The following PCM1 variants were observed in gnomAD, a reference collection of about 807,000 sequenced individuals.
The protein encoded by PCM1 is pericentriolar material 1, also known as pericentriolar material 1 protein.
Under a neutral mutation model 241.9 loss-of-function variants are expected in PCM1, and 157 were observed. The observed-to-expected ratio is 0.65, with a 90% CI of 0.57 to 0.74. PCM1 has a LOEUF of 0.74. PCM1 is among the 30% of genes least tolerant of loss of function. The probability of loss-of-function intolerance (pLI) is 0.00; values close to 1 mark genes in which losing one functional copy is unlikely to be tolerated. For synonymous variants in PCM1, 1,085 were observed against 784.9 expected, an observed-to-expected ratio of 1.38 and a Z score of -6.39; for missense variants, 3,478 against 2,360.1, an observed-to-expected ratio of 1.47 and a Z score of -9.81.
At chr8:17,986,266 A>G (rs1431387367) in intron 26 of PCM1, 179 bp downstream of exon 26, 1 of 432,348 alleles carries the variant, frequency 2.3e-6, no homozygotes, top group East Asian at 3.7e-5. Flanking sequence ...CAATCAAAAT[A>G]TGGTAGCAAA....
At chr8:17,961,935 G>T in intron 15 of PCM1, 99 bp from the exon 16 acceptor site, 6 of 902,216 alleles carry the variant, frequency 6.7e-6, no homozygotes, top group Admixed American at 3.2e-5. Context: ...GATTAAATAT[G>T]GCACTAGAGC....
chr8:17,995,924 T>C (rs192859178), intron 29 of PCM1, among the ~76,000 whole-genome samples: 20 of 152,320 alleles, frequency 1.3e-4, no homozygotes, highest in African/African-American at 4.6e-4. Context: ...TCTAATAGTA[T>C]TCTTGTGGAG....
intron 1 of PCM1, among the ~76,000 whole-genome samples, chr8:17,924,379 T>TA (rs2056020246): frequency 1.3e-5 from 2 of 152,224 alleles, no homozygotes; most frequent in South Asian, 4.1e-4. Context: ...ATAGTTTGAG[T>TA]AACAGGAAGC....
intron 26 of PCM1, among the ~76,000 whole-genome samples, chr8:17,988,992 A>G (rs538202463): frequency 7.2e-5 from 11 of 152,146 alleles, no homozygotes; most frequent in African/African-American, 2.6e-4. Context: ...TCACAAAAAC[A>G]CTTGCACATT....
chr8:17,980,976 C>G (rs1467247565), intron 24 of PCM1, among the ~76,000 whole-genome samples: 1 of 152,132 alleles, frequency 6.6e-6, no homozygotes. Context: ...TAATAAAATT[C>G]TAAACAAAGG....
intron 19 of PCM1, 21 bp downstream of exon 19, chr8:17,966,239 A>C (rs369005064): frequency 1.7e-4 from 269 of 1,608,872 alleles, no homozygotes; most frequent in Non-Finnish European, 2.1e-4. Flanking sequence ...CTATGAAAGT[A>C]TATTTTTCGT....
At chr8:17,974,582 C>T (rs2078000159) in intron 23 of PCM1, among the ~76,000 whole-genome samples, 1 of 152,138 alleles carries the variant, frequency 6.6e-6, no homozygotes, top group Admixed American at 6.5e-5. Flanking sequence ...CTTCAAGTAG[C>T]AGATTTTACA....
At chr8:18,025,305 C>A in intron 36 of PCM1, 56 bp from the exon 37 acceptor site, 1 of 908,952 alleles carries the variant, frequency 1.1e-6, no homozygotes, top group Non-Finnish European at 1.8e-6. Context: ...TATTTCTTTA[C>A]ATGGATGACT....
At position 18,006,243 on chromosome 8, in the gene PCM1, C is replaced by T. The variant is rs2091283447; in HGVS notation, c.4828-20C>T. On this transcript the variant is annotated intron_variant, in intron 29 of 38. Coordinates refer to ENST00000325083, the MANE Select transcript of PCM1 (RefSeq NM_006197.4). ...AACAATAGGTAAGTTTATATTCTAA[C>T]CAACTAGGATTTTTCTCAGGAGCAC... 3 of 1,572,642 alleles carry T rather than the reference C, an allele frequency of 1.9e-6. No homozygotes were observed. The highest frequency in any genetic ancestry group is 1.7e-6 in the Non-Finnish European group (2 of 1,155,654).
At position 18,025,365 on chromosome 8, in the gene PCM1, C is replaced by T. The variant is rs752290796; in HGVS notation, c.5846C>T (p.Ala1949Val). Residue 1949 changes from alanine to valine, a missense_variant, in exon 37 of 39, where the codon GCA becomes GTA. Physicochemically the swap from Ala to Val is moderately conservative, Grantham distance 64. Transcript: ENST00000325083. The part of the protein sequence containing the change: ...ESPVLVNDYE[A>V]ESGNISQKSD... ...TTTTTTTTCATTACATTACAGGAAGCAGAATCTGGTAATATAAGTCAAAAG... is the reference window on the plus strand; with the variant it reads ...TTTTTTTTCATTACATTACAGGAAGTAGAATCTGGTAATATAAGTCAAAAG... 1.7e-5 allele frequency: 26 copies of T among 1,564,704 alleles called. No individual in the cohort carries two copies. The highest frequency in any genetic ancestry group is 2.2e-5 in the Non-Finnish European group (25 of 1,142,250).
chr8:18,029,087 G>C lies in PCM1; in HGVS notation c.*1425G>C, dbSNP rs2094391335. 6.0e-6 allele frequency: 1 copy of C among 165,322 alleles called. No individual in the cohort carries two copies. Among genetic ancestry groups the C allele is most frequent in the African/African-American group, 2.5e-5 (1 of 39,236 alleles). The allele number at this position is 165,322 out of a possible 1,614,324, so 10.2% of individuals were successfully genotyped here. A position where few individuals can be genotyped will look rare whatever the true frequency, so the allele number is the denominator to read the frequency against. On this transcript the variant is annotated 3_prime_UTR_variant, in exon 39 of 39. Transcript: ENST00000325083. ...AATAGCCTGAACCCGGGAGGTGGAG[G>C]TTGCAGGTTGCAGTGAGCCGAGATC...
intron 28 of PCM1, among the ~76,000 whole-genome samples, chr8:17,992,018 G>A (rs973325624): frequency 1.3e-5 from 2 of 152,176 alleles, no homozygotes; most frequent in African/African-American, 4.8e-5. Context: ...CCAGATGGCT[G>A]CAAATGCCAT....
At chr8:17,949,297 T>A (rs577969842) in intron 7 of PCM1, among the ~76,000 whole-genome samples, 6 of 152,256 alleles carry the variant, frequency 3.9e-5, no homozygotes, top group African/African-American at 1.4e-4. Context: ...TTGGGATAAT[T>A]ATGTTACCTC....
rs2094343496 is a variant in PCM1, at chr8:18,027,900, T to TC, written c.*238_*239insC. 2.6e-6 allele frequency: 1 copy of TC among 385,516 alleles called. No individual in the cohort carries two copies. 23.9% of individuals were successfully genotyped at this position (385,516 alleles called of 1,614,324 possible). A position where few individuals can be genotyped will look rare whatever the true frequency, so the allele number is the denominator to read the frequency against. ...TCCCCCTTCTTTTTTGGGTCTTCAT[T>TC]TTTTTCCCCATTGTGATGTTTGGTA... On this transcript the variant is annotated 3_prime_UTR_variant, in exon 39 of 39. Transcript: ENST00000325083.
chr8:17,935,766 C>A (rs547923182), intron 3 of PCM1, 60 bp downstream of exon 3: 240 of 812,976 alleles, frequency 3.0e-4, no homozygotes, highest in Non-Finnish European at 4.6e-4. Context: ...TGCAGTTTTC[C>A]CCCTGACCAA....
At chr8:17,980,523 G>C in intron 23 of PCM1, 68 bp from the exon 24 acceptor site, 1 of 1,349,250 alleles carries the variant, frequency 7.4e-7, no homozygotes, top group Non-Finnish European at 1.0e-6. Flanking sequence ...GTTACACAAT[G>C]GAAACCGATT....
chr8:18,003,047 A>G (rs2090138808), intron 29 of PCM1, among the ~76,000 whole-genome samples: 1 of 152,196 alleles, frequency 6.6e-6, no homozygotes, highest in Admixed American at 6.5e-5. Context: ...GTTTGGTCAA[A>G]TGTTAACTTT....
In PCM1 at chr8:17,984,822, T is replaced by G. The variant is rs577123521; in HGVS notation, c.4109-625T>G. Among the ~76,000 whole-genome samples the G allele has an allele frequency of 2.6e-5, 4 of 152,104 alleles. No individual in the cohort carries two copies. In the South Asian group the frequency reaches 6.2e-4, roughly 24 times the overall value. On this transcript the variant is annotated intron_variant, in intron 24 of 38. Transcript: ENST00000325083. ...ATTCTGTGAAACTGAAAACTTCAGT[T>G]GGATCACTTGCCTGCTCCAATATAC... is the stretch of plus-strand genomic sequence containing the variant.
intron 26 of PCM1, 173 bp downstream of exon 26, chr8:17,986,260 C>CA (rs1299627626): frequency 6.8e-6 from 3 of 441,034 alleles, no homozygotes; most frequent in South Asian, 4.9e-5. Context: ...AATATGCAAT[C>CA]AAAATATGGT....
Sources: gnomAD v4.1 joint callset for allele counts (sites outside exome capture counted in the v4.1 genomes callset) on GRCh38, gnomAD v4.1.1 for gene constraint, MANE v1.5 for transcripts, NCBI Gene and HGNC (gene_info 2026-07-23, HGNC 2026-07-21) for gene names.